The following ERC1 variants were observed in gnomAD, a reference collection of about 807,000 sequenced individuals.
ERC1 encodes ELKS/RAB6-interacting/CAST family member 1.
A neutral mutation model predicts 132.0 loss-of-function variants in ERC1; 56 were observed. The ratio of observed to expected loss-of-function variants is 0.42; its 90% CI spans 0.34 to 0.53. The LOEUF (loss-of-function observed/expected upper bound fraction) is 0.53, where lower values mean the gene tolerates loss of function less well. Among genes scored for constraint, ERC1 ranks in the 20% least tolerant of loss-of-function variants. ERC1 has a pLI of 0.03. For missense variants in ERC1, 1,202 were observed against 1,349.9 expected, an observed-to-expected ratio of 0.89 and a Z score of 1.72; for synonymous variants, 478 against 476.1, an observed-to-expected ratio of 1.00 and a Z score of -0.05.
chr12:1,473,112 G>A (rs1462974160), intron 18 of ERC1, among the ~76,000 whole-genome samples: 10 of 152,078 alleles, frequency 6.6e-5, no homozygotes, highest in African/African-American at 1.9e-4. Context: ...TGCAACCTCC[G>A]CCTCCTGGGT....
intron 6 of ERC1, among the ~76,000 whole-genome samples, chr12:1,114,822 C>T (rs1946279773): frequency 6.6e-6 from 1 of 151,246 alleles, no homozygotes; most frequent in Admixed American, 6.6e-5. Context: ...AGATTTTATG[C>T]ATATGAGAAA....
intron 16 of ERC1, among the ~76,000 whole-genome samples, chr12:1,395,133 TC>T (rs1156399865): frequency 6.6e-6 from 1 of 152,204 alleles, no homozygotes; most frequent in Non-Finnish European, 1.5e-5. Context: ...GGATGTGAGA[TC>T]TGTACTCCAA....
intron 2 of ERC1, among the ~76,000 whole-genome samples, chr12:1,082,121 C>T (rs1409139723): frequency 6.6e-6 from 1 of 151,716 alleles, no homozygotes; most frequent in Non-Finnish European, 1.5e-5. Context: ...CTCCACCTCC[C>T]AGTTCAAGCA....
intron 12 of ERC1, among the ~76,000 whole-genome samples, chr12:1,207,588 T>TG (rs1438695567): frequency 6.6e-6 from 1 of 152,194 alleles, no homozygotes; most frequent in Admixed American, 6.5e-5. Flanking sequence ...CATCTGCTGG[T>TG]GTAGTAGTGT....
intron 17 of ERC1, among the ~76,000 whole-genome samples, chr12:1,408,954 A>G (rs80310122): frequency 0.032 from 4,815 of 152,160 alleles, 277 homozygotes; most frequent in African/African-American, 0.11. Flanking sequence ...TAACATCTCT[A>G]TCACACCCAG....
At chr12:1,454,514 G>A (rs749574838) in intron 18 of ERC1, among the ~76,000 whole-genome samples, 1 of 152,162 alleles carries the variant, frequency 6.6e-6, no homozygotes, top group Non-Finnish European at 1.5e-5. Context: ...TGTGAAGTCC[G>A]ACACTGTCTC....
At chr12:1,019,706 G>T (rs1044382012) in intron 1 of ERC1, among the ~76,000 whole-genome samples, 4 of 152,042 alleles carry the variant, frequency 2.6e-5, no homozygotes, top group African/African-American at 7.2e-5. Flanking sequence ...CCTATAAAAA[G>T]AATCACATTT....
intron 17 of ERC1, among the ~76,000 whole-genome samples, chr12:1,431,205 G>T (rs972224698): frequency 6.6e-6 from 1 of 152,138 alleles, no homozygotes; most frequent in Non-Finnish European, 1.5e-5. Context: ...CACCCCTCAG[G>T]ATTTTGAATT....
chr12:1,127,083 T>TA (rs2154233979), intron 7 of ERC1, among the ~76,000 whole-genome samples: 1 of 149,242 alleles, frequency 6.7e-6, no homozygotes, highest in African/African-American at 2.5e-5. Flanking sequence ...TAAAGAAACC[T>TA]AAGTGGTTAA....
intron 8 of ERC1, among the ~76,000 whole-genome samples, chr12:1,176,617 G>A (rs1460871230): frequency 6.7e-6 from 1 of 148,174 alleles, no homozygotes; most frequent in African/African-American, 2.5e-5. Flanking sequence ...GTCTCGCTTC[G>A]TTGCCCAGGC....
intron 2 of ERC1, among the ~76,000 whole-genome samples, chr12:1,031,934 G>A (rs182653424): frequency 1.3e-5 from 2 of 152,220 alleles, no homozygotes; most frequent in East Asian, 3.9e-4. Flanking sequence ...TACCAGCTAA[G>A]TACAATCTCT....
At chr12:1,068,486 A>AG (rs1939703221) in intron 2 of ERC1, among the ~76,000 whole-genome samples, 1 of 150,824 alleles carries the variant, frequency 6.6e-6, no homozygotes, top group South Asian at 2.1e-4. Context: ...TTAGGAATTA[A>AG]AAAAAAAAGT....
chr12:1,322,936 A>G (rs930491728), intron 15 of ERC1, among the ~76,000 whole-genome samples: 1 of 152,164 alleles, frequency 6.6e-6, no homozygotes, highest in Non-Finnish European at 1.5e-5. Context: ...AAAGATTAAT[A>G]TGAGTTTGTA....
Position 1,266,453 on chromosome 12 carries a change from G to A in ERC1, c.2619+3288G>A, listed in dbSNP as rs149261290. 6.9e-3 allele frequency among the ~76,000 whole-genome samples: 836 copies of A among 121,586 alleles called. 7 individuals carry two copies. Among genetic ancestry groups the A allele is most frequent in the Middle Eastern group, 0.038 (5 of 132 alleles). 79.8% of individuals were successfully genotyped at this position (121,586 alleles called of 152,430 possible). ...GGAGTCTTGCTCTGTCGCCCGGGCT[G>A]GAGTGTAATGGCATGATCTCAGCTC... On this transcript the variant is annotated intron_variant, in intron 14 of 18. Coordinates refer to ENST00000360905, the MANE Select transcript of ERC1 (RefSeq NM_178040.4).
At chr12:1,286,783 T>C (rs2079071272) in intron 14 of ERC1, among the ~76,000 whole-genome samples, 1 of 152,144 alleles carries the variant, frequency 6.6e-6, no homozygotes, top group Non-Finnish European at 1.5e-5. Context: ...ACGATACTGT[T>C]TACTAGAAAA....
At chr12:1,114,015 T>G (rs1179307412) in intron 6 of ERC1, among the ~76,000 whole-genome samples, 1 of 152,162 alleles carries the variant, frequency 6.6e-6, no homozygotes, top group African/African-American at 2.4e-5. Context: ...TGCTTTTCTT[T>G]TCTTTTTTTC....
At chr12:1,207,478 T>C (rs1305572103) in intron 12 of ERC1, among the ~76,000 whole-genome samples, 1 of 152,220 alleles carries the variant, frequency 6.6e-6, no homozygotes, top group African/African-American at 2.4e-5. Flanking sequence ...AACTCTATTG[T>C]TCAAGAGCGT....
intron 15 of ERC1, among the ~76,000 whole-genome samples, chr12:1,335,726 A>T (rs1033292465): frequency 2.6e-5 from 4 of 152,164 alleles, no homozygotes; most frequent in African/African-American, 9.6e-5. Flanking sequence ...TATCAGGATG[A>T]TGCCGACCTC....
intron 13 of ERC1, among the ~76,000 whole-genome samples, chr12:1,248,000 A>G (rs924821199): frequency 1.3e-4 from 20 of 152,048 alleles, no homozygotes; most frequent in African/African-American, 4.8e-4. Context: ...GCATCTCAAA[A>G]AAATAAAAAT....
Sources: gnomAD v4.1 joint callset for allele counts (sites outside exome capture counted in the v4.1 genomes callset) on GRCh38, gnomAD v4.1.1 for gene constraint, MANE v1.5 for transcripts, NCBI Gene and HGNC (gene_info 2026-07-23, HGNC 2026-07-21) for gene names.